The following DENND5B variants were observed in gnomAD, a reference collection of about 807,000 sequenced individuals.
The protein encoded by DENND5B is DENN domain containing 5B.
Under a neutral mutation model 140.6 loss-of-function variants are expected in DENND5B, and 34 were observed. The observed-to-expected ratio is 0.24, with a 90% CI of 0.18 to 0.32. DENND5B has a LOEUF of 0.32. Among genes scored for constraint, DENND5B ranks in the 10% least tolerant of loss-of-function variants. DENND5B has a pLI of 1.00. For missense variants in DENND5B, 1,142 were observed against 1,560.2 expected, an observed-to-expected ratio of 0.73 and a Z score of 4.52; for synonymous variants, 551 against 562.1, an observed-to-expected ratio of 0.98 and a Z score of 0.28.
chr12:31,456,400 T>C (rs182386930), intron 4 of DENND5B, among the ~76,000 whole-genome samples: 2 of 152,210 alleles, frequency 1.3e-5, no homozygotes, highest in African/African-American at 4.8e-5. Flanking sequence ...ATCTCTTCTG[T>C]CATGAAACCT....
intron 1 of DENND5B, among the ~76,000 whole-genome samples, chr12:31,561,316 C>T (rs765854924): frequency 1.3e-5 from 2 of 152,158 alleles, no homozygotes; most frequent in Admixed American, 6.6e-5. Context: ...ATAGCATACA[C>T]AAATACATTT....
At position 31,590,697 on chromosome 12, in the gene DENND5B, T is replaced by C; in HGVS notation, c.127+9A>G. 2 of 1,470,468 alleles carry C rather than the reference T, an allele frequency of 1.4e-6. No homozygotes were observed. Among genetic ancestry groups the C allele is most frequent in the Non-Finnish European group, 1.8e-6 (2 of 1,116,430 alleles). The allele number at this position is 1,470,468 out of a possible 1,614,324, so 91.1% of individuals were successfully genotyped here. On this transcript the variant is annotated intron_variant, in intron 1 of 20. Transcript: ENST00000389082. ...AGGGGGCTCAGCGCCGCCGCAGCCC[T>C]GGCCTTACCCGCCAGCTCGTCAGGC...
At chr12:31,519,623 G>A (rs1226596006) in intron 1 of DENND5B, among the ~76,000 whole-genome samples, 1 of 152,148 alleles carries the variant, frequency 6.6e-6, no homozygotes, top group East Asian at 1.9e-4. Flanking sequence ...CCAGATCTGT[G>A]GGGCTCACAC....
intron 11 of DENND5B, 91 bp from the exon 12 acceptor site, chr12:31,415,539 C>G (rs1942691391): frequency 1.2e-5 from 12 of 995,762 alleles, no homozygotes; most frequent in Non-Finnish European, 1.6e-5. Context: ...TCGATAAGAA[C>G]AAATTTTAAC....
intron 1 of DENND5B, among the ~76,000 whole-genome samples, chr12:31,585,679 C>T (rs1440959205): frequency 6.6e-6 from 1 of 152,178 alleles, no homozygotes; most frequent in Non-Finnish European, 1.5e-5. Flanking sequence ...AAGGTCCCTT[C>T]AAGAACTAAC....
At chr12:31,417,818 T>A (rs1381592755) in intron 11 of DENND5B, among the ~76,000 whole-genome samples, 1 of 152,190 alleles carries the variant, frequency 6.6e-6, no homozygotes, top group Non-Finnish European at 1.5e-5. Context: ...AACATCATAC[T>A]CAGCAAATAC....
chr12:31,431,821 A>G (rs1026455730), intron 8 of DENND5B, among the ~76,000 whole-genome samples: 10 of 152,240 alleles, frequency 6.6e-5, no homozygotes, highest in African/African-American at 2.4e-4. Flanking sequence ...GATTAGTTTT[A>G]CATGTCAGCA....
At chr12:31,430,691 A>G (rs1943472844) in intron 8 of DENND5B, among the ~76,000 whole-genome samples, 1 of 151,950 alleles carries the variant, frequency 6.6e-6, no homozygotes, top group Admixed American at 6.6e-5. Context: ...CACTGTTTAA[A>G]GTTTATGTCC....
intron 11 of DENND5B, among the ~76,000 whole-genome samples, chr12:31,417,584 G>A (rs1038370394): frequency 6.6e-6 from 1 of 152,110 alleles, no homozygotes; most frequent in African/African-American, 2.4e-5. Context: ...TGGGATTACA[G>A]GTGCGTGCCA....
intron 20 of DENND5B, among the ~76,000 whole-genome samples, chr12:31,389,079 C>G (rs1940995026): frequency 2.0e-5 from 3 of 152,108 alleles, no homozygotes; most frequent in Admixed American, 1.3e-4. Context: ...AAATCGGTTG[C>G]TACCTCATGT....
In DENND5B at chr12:31,555,327, CCT is replaced by C. The variant is rs1002656711; in HGVS notation, c.127+35377_127+35378del. On this transcript the variant is annotated intron_variant, in intron 1 of 20. Coordinates refer to ENST00000389082, the MANE Select transcript of DENND5B (RefSeq NM_144973.4). ...AGTTTGCTGGAGGTCCACTCCAGAC[CCT>C]GTTTGCCTGGGTATCAGCAGCAGTG... Among the ~76,000 whole-genome samples, 11 of 152,280 alleles carry C rather than the reference CCT, an allele frequency of 7.2e-5. No individual in the cohort carries two copies. The South Asian group carries it at 8.3e-4, about 11-fold the overall frequency.
At chr12:31,398,448 G>A in intron 16 of DENND5B, 86 bp from the exon 17 acceptor site, 6 of 1,293,626 alleles carry the variant, frequency 4.6e-6, no homozygotes, top group South Asian at 3.2e-5. Flanking sequence ...GAGACTACAG[G>A]TGTGCACCAC....
intron 7 of DENND5B, among the ~76,000 whole-genome samples, chr12:31,441,247 G>A (rs569949719): frequency 7.2e-5 from 11 of 152,262 alleles, no homozygotes; most frequent in African/African-American, 2.6e-4. Context: ...GGGAGGCTGA[G>A]GCAGGAGGAT....
intron 1 of DENND5B, among the ~76,000 whole-genome samples, chr12:31,582,128 G>C (rs1950227969): frequency 6.6e-6 from 1 of 152,174 alleles, no homozygotes; most frequent in Non-Finnish European, 1.5e-5. Context: ...CACACATGGA[G>C]GGCTGACTAT....
chr12:31,559,517 A>G (rs1259012519), intron 1 of DENND5B, among the ~76,000 whole-genome samples: 1 of 152,188 alleles, frequency 6.6e-6, no homozygotes, highest in East Asian at 1.9e-4. Flanking sequence ...TTAAAATCCT[A>G]TTATGTTCAA....
Position 31,451,996 on chromosome 12 carries a change from C to G in DENND5B, c.1573G>C (p.Ala525Pro). 1 of 1,613,580 alleles carries G rather than the reference C, an allele frequency of 6.2e-7. No homozygotes were observed. Among genetic ancestry groups the G allele is most frequent in the Non-Finnish European group, 8.5e-7 (1 of 1,179,790 alleles). The change falls in exon 5 of 21, where the codon GCC becomes CCC. Residue 525 changes from alanine (A) to proline (P), a missense_variant. By Grantham distance (27) the Ala-to-Pro change is conservative. Around this residue, in one of 5 missense-constraint regions of DENND5B, gnomAD observed 708 missense variants for 905.5 expected, o/e 0.78. Coordinates refer to ENST00000389082, the MANE Select transcript of DENND5B (RefSeq NM_144973.4). Reference sequence around the variant, plus strand: ...GTCAGCCAGGATTCCATGTCCTGGGCAGTCTGAATGACAAATGCTTCGTAA... The same window carrying G: ...GTCAGCCAGGATTCCATGTCCTGGGGAGTCTGAATGACAAATGCTTCGTAA... ...ADYEAFVIQT[A>P]QDMESWLTNR...
chr12:31,396,522 C>CAT, intron 17 of DENND5B: 1 of 152,600 alleles, frequency 6.6e-6, no homozygotes, highest in African/African-American at 2.4e-5. Flanking sequence ...GAATGTGGAA[C>CAT]ATATGCACAG....
At chr12:31,492,646 T>C (rs1313174100) in intron 2 of DENND5B, among the ~76,000 whole-genome samples, 1 of 152,256 alleles carries the variant, frequency 6.6e-6, no homozygotes, top group Non-Finnish European at 1.5e-5. Flanking sequence ...GATCTATTCA[T>C]ATTCTTATCC....
intron 7 of DENND5B, among the ~76,000 whole-genome samples, chr12:31,435,684 G>A (rs1292679035): frequency 7.2e-5 from 11 of 151,968 alleles, no homozygotes; most frequent in South Asian, 6.2e-4. Context: ...TGTTTGAGAC[G>A]GAGTCTTGTT....
Sources: allele counts gnomAD v4.1 joint callset (sites outside exome capture counted in the v4.1 genomes callset), GRCh38; gene constraint gnomAD v4.1.1; regional missense constraint gnomAD v4.1.1; transcripts MANE v1.5; gene names NCBI Gene and HGNC (gene_info 2026-07-23, HGNC 2026-07-21).